Variants in MTMR3 observed in about 807,000 individuals in gnomAD.
MTMR3 encodes the protein phosphatidylinositol-3,5-bisphosphate 3-phosphatase MTMR3.
Under a neutral mutation model 132.4 loss-of-function variants are expected in MTMR3, and 32 were observed. The observed-to-expected ratio is 0.24, with a 90% CI of 0.18 to 0.32. MTMR3 has a LOEUF of 0.32. MTMR3 is among the 10% of genes least tolerant of loss of function. The pLI is 1.00. For synonymous variants in MTMR3, 556 were observed against 550.3 expected, an observed-to-expected ratio of 1.01 and a Z score of -0.14; for missense variants, 1,216 against 1,489.6, an observed-to-expected ratio of 0.82 and a Z score of 3.02.
intron 1 of MTMR3, among the ~76,000 whole-genome samples, chr22:29,910,018 A>C (rs2065178367): frequency 6.6e-6 from 1 of 152,108 alleles, no homozygotes; most frequent in Non-Finnish European, 1.5e-5. Context: ...TTAGCCGGGC[A>C]TGGTGGTGGG....
At position 30,013,397 on chromosome 22, in the gene MTMR3, C is replaced by T. The variant is rs1357851101; in HGVS notation, c.1359C>T (p.Gly453=). ...TGGAAATGGAGTGGCTGGATTTTGG[C>T]CATAAATTTGCTGACCGGTGTGGTC... The part of the protein sequence containing the change: ...VLVEMEWLDF[G]HKFADRCGHG... The change falls in exon 14 of 20, where the codon GGC becomes GGT. Residue 453 remains glycine, a synonymous_variant. Coordinates refer to ENST00000401950, the MANE Select transcript of MTMR3 (RefSeq NM_021090.4). 1.2e-6 allele frequency: 2 copies of T among 1,613,860 alleles called. No homozygotes were observed. Among genetic ancestry groups the T allele is most frequent in the South Asian group, 2.2e-5 (2 of 91,082 alleles).
intron 1 of MTMR3, among the ~76,000 whole-genome samples, chr22:29,899,893 C>T (rs1051032389): frequency 6.6e-6 from 1 of 152,148 alleles, no homozygotes; most frequent in African/African-American, 2.4e-5. Context: ...AGGTGCACTT[C>T]TTTGTATGTA....
At chr22:29,928,175 T>C (rs112441649) in intron 1 of MTMR3, among the ~76,000 whole-genome samples, 2,688 of 146,008 alleles carry the variant, frequency 0.018, 72 homozygotes, top group African/African-American at 0.059. Context: ...TTTTTTCTTT[T>C]TTTTTTTTTT....
At chr22:29,947,728 A>C (rs928521212) in intron 1 of MTMR3, among the ~76,000 whole-genome samples, 7 of 152,274 alleles carry the variant, frequency 4.6e-5, no homozygotes, top group African/African-American at 1.7e-4. Flanking sequence ...GATGAATTCT[A>C]CTTTTTGGCT....
chr22:29,944,221 T>C (rs1172227076), intron 1 of MTMR3, among the ~76,000 whole-genome samples: 3 of 151,698 alleles, frequency 2.0e-5, no homozygotes, highest in African/African-American at 7.3e-5. Flanking sequence ...TCTTTTAGAT[T>C]GGTGCAAAAG....
chr22:29,893,934 C>T (rs1312237064), intron 1 of MTMR3, among the ~76,000 whole-genome samples: 1 of 152,168 alleles, frequency 6.6e-6, no homozygotes. Flanking sequence ...CAACCTCCAC[C>T]TCTTGGGTTC....
intron 1 of MTMR3, among the ~76,000 whole-genome samples, chr22:29,932,743 C>G (rs753403969): frequency 6.6e-6 from 1 of 152,034 alleles, no homozygotes; most frequent in Non-Finnish European, 1.5e-5. Flanking sequence ...TGTCATAGTT[C>G]AGATTTTAAA....
chr22:29,905,271 A>G (rs1394350205), intron 1 of MTMR3, among the ~76,000 whole-genome samples: 3 of 152,158 alleles, frequency 2.0e-5, no homozygotes, highest in African/African-American at 4.8e-5. Context: ...GGCCTGCTGT[A>G]TATATAGGTT....
chr22:30,008,086 T>C (rs2067313739), intron 11 of MTMR3, 54 bp downstream of exon 11: 2 of 1,586,110 alleles, frequency 1.3e-6, no homozygotes, highest in South Asian at 2.2e-5. Context: ...GTGTAGCCCT[T>C]GCCCAACTGA....
At chr22:29,944,262 G>A (rs1033695525) in intron 1 of MTMR3, among the ~76,000 whole-genome samples, 3 of 151,182 alleles carry the variant, frequency 2.0e-5, no homozygotes, top group African/African-American at 7.3e-5. Flanking sequence ...AAAAATGATG[G>A]CAAAAACTGT....
intron 1 of MTMR3, among the ~76,000 whole-genome samples, chr22:29,909,694 ATTTTT>A (rs2065169822): frequency 6.6e-6 from 1 of 152,156 alleles, no homozygotes; most frequent in Admixed American, 6.5e-5. Flanking sequence ...CATTTTTATA[ATTTTT>A]TCATAAATAG....
At chr22:29,922,492 C>T (rs1250829859) in intron 1 of MTMR3, among the ~76,000 whole-genome samples, 2 of 152,080 alleles carry the variant, frequency 1.3e-5, no homozygotes, top group Admixed American at 6.6e-5. Context: ...GCTTTTACTT[C>T]TTGTGGGTAT....
intron 1 of MTMR3, among the ~76,000 whole-genome samples, chr22:29,901,257 A>AAT (rs150965620): frequency 0.1 from 15,708 of 150,144 alleles, 841 homozygotes; most frequent in Middle Eastern, 0.13. Context: ...TTTCTTTAAG[A>AAT]ATATATATAT....
intron 1 of MTMR3, among the ~76,000 whole-genome samples, chr22:29,904,939 A>G (rs2065067988): frequency 6.6e-6 from 1 of 152,138 alleles, no homozygotes; most frequent in Non-Finnish European, 1.5e-5. Context: ...CCAGTGTTGG[A>G]GGAAAACTTT....
At chr22:29,965,115 G>A (rs1042527337) in intron 2 of MTMR3, among the ~76,000 whole-genome samples, 1 of 151,862 alleles carries the variant, frequency 6.6e-6, no homozygotes, top group African/African-American at 2.4e-5. Context: ...TCAGCATCCC[G>A]TTTGTTTCCT....
intron 3 of MTMR3, among the ~76,000 whole-genome samples, chr22:29,974,048 C>G (rs947921544): frequency 6.6e-6 from 1 of 152,156 alleles, no homozygotes; most frequent in African/African-American, 2.4e-5. Flanking sequence ...TAGATGACCC[C>G]ACTGACTTTA....
chr22:29,933,480 T>G (rs560094588), intron 1 of MTMR3, among the ~76,000 whole-genome samples: 7 of 152,168 alleles, frequency 4.6e-5, no homozygotes, highest in Non-Finnish European at 1.0e-4. Flanking sequence ...TTTTAGTATA[T>G]TTTTAATCTT....
At chr22:29,970,955 C>CTCTT in intron 2 of MTMR3, 21 bp from the exon 3 acceptor site, 6 of 770,490 alleles carry the variant, frequency 7.8e-6, no homozygotes, top group East Asian at 7.0e-5. Flanking sequence ...TCTTCTTCCC[C>CTCTT]CTCTTCCCCC....
intron 1 of MTMR3, among the ~76,000 whole-genome samples, chr22:29,943,998 T>C (rs2065907433): frequency 6.6e-6 from 1 of 151,798 alleles, no homozygotes. Flanking sequence ...TAATTTTTTT[T>C]TGTAGAGATG....
Sources: allele counts gnomAD v4.1 joint callset (sites outside exome capture counted in the v4.1 genomes callset), GRCh38; gene constraint gnomAD v4.1.1; transcripts MANE v1.5; gene names NCBI Gene and HGNC (gene_info 2026-07-23, HGNC 2026-07-21).